Variants in GADL1 observed in about 807,000 individuals in gnomAD.
GADL1 encodes GAD like acidic amino acid decarboxylase 1.
A neutral mutation model predicts 69.5 loss-of-function variants in GADL1; 71 were observed. That is an observed-to-expected ratio of 1.02 (90% CI 0.84 to 1.25). GADL1 has a LOEUF of 1.25. GADL1 is among the 50% of genes most tolerant of loss of function. The probability of loss-of-function intolerance (pLI) is 0.00; values close to 1 mark genes in which losing one functional copy is unlikely to be tolerated. For synonymous variants in GADL1, 254 were observed against 214.4 expected, an observed-to-expected ratio of 1.18 and a Z score of -1.62; for missense variants, 737 against 631.8, an observed-to-expected ratio of 1.17 and a Z score of -1.79.
chr3:30,839,222 T>G, intron 8 of GADL1, 109 bp from the exon 9 acceptor site: 1 of 640,378 alleles, frequency 1.6e-6, no homozygotes, highest in Non-Finnish European at 2.6e-6. Flanking sequence ...TTTGGGTTTT[T>G]TGGAGGTAGT....
Position 30,744,353 on chromosome 3 carries a change from C to A in GADL1, c.1393-15938G>T, listed in dbSNP as rs141479724. 7.1e-3 allele frequency among the ~76,000 whole-genome samples: 1,076 copies of A among 152,244 alleles called. 15 individuals carry two copies. The highest frequency in any genetic ancestry group is 0.024 in the African/African-American group (1,016 of 41,548). ...CTATTATTCAAGGAGTATCTACCAT[C>A]ATAAAGGTGGTTTAGTCATATAGAT... On this transcript the variant is annotated intron_variant, in intron 14 of 14. Coordinates refer to ENST00000282538, the MANE Select transcript of GADL1 (RefSeq NM_207359.3).
intron 11 of GADL1, among the ~76,000 whole-genome samples, chr3:30,818,981 C>T (rs905108380): frequency 1.3e-5 from 2 of 152,078 alleles, no homozygotes; most frequent in East Asian, 3.9e-4. Flanking sequence ...GGATGATCCT[C>T]CATACCAGCC....
At chr3:30,791,349 A>T (rs1422426048) in intron 12 of GADL1, among the ~76,000 whole-genome samples, 1 of 152,144 alleles carries the variant, frequency 6.6e-6, no homozygotes, top group East Asian at 1.9e-4. Context: ...TTTCTCCAGA[A>T]ATCTTGGGAA....
At chr3:30,863,000 C>T (rs189159376) in intron 1 of GADL1, among the ~76,000 whole-genome samples, 5 of 151,308 alleles carry the variant, frequency 3.3e-5, no homozygotes, top group Admixed American at 2.6e-4. Flanking sequence ...ACAAAGAGAT[C>T]TTCGTAAACA....
At chr3:30,851,802 C>T (rs180751569) in intron 4 of GADL1, among the ~76,000 whole-genome samples, 1 of 152,246 alleles carries the variant, frequency 6.6e-6, no homozygotes, top group African/African-American at 2.4e-5. Flanking sequence ...TTTCTTGCAT[C>T]CTCCTCCTCC....
intron 1 of GADL1, among the ~76,000 whole-genome samples, chr3:30,877,658 C>A (rs1263208642): frequency 1.3e-5 from 2 of 151,748 alleles, no homozygotes; most frequent in Non-Finnish European, 2.9e-5. Flanking sequence ...TAAGTCAACA[C>A]AAAGTATTAA....
intron 11 of GADL1, among the ~76,000 whole-genome samples, chr3:30,829,781 G>A (rs768306235): frequency 2.6e-5 from 4 of 151,788 alleles, no homozygotes; most frequent in Non-Finnish European, 4.4e-5. Flanking sequence ...ACAACACAGT[G>A]GTGAATATAA....
chr3:30,881,089 A>G (rs1698635032), intron 1 of GADL1, among the ~76,000 whole-genome samples: 1 of 151,952 alleles, frequency 6.6e-6, no homozygotes, highest in Admixed American at 6.6e-5. Context: ...AAGCTGTAAT[A>G]TTCCTTTCAA....
intron 14 of GADL1, among the ~76,000 whole-genome samples, chr3:30,739,400 C>T (rs113025911): frequency 2.6e-5 from 4 of 152,258 alleles, no homozygotes; most frequent in Admixed American, 6.5e-5. Context: ...TGCACCCATG[C>T]ACCTGTATCT....
intron 14 of GADL1, among the ~76,000 whole-genome samples, chr3:30,754,234 C>T (rs892649230): frequency 3.9e-5 from 6 of 152,126 alleles, no homozygotes; most frequent in Non-Finnish European, 7.4e-5. Flanking sequence ...ATGTGAGGGG[C>T]AGAAAGCCTA....
intron 13 of GADL1, among the ~76,000 whole-genome samples, chr3:30,782,484 G>T (rs1696687462): frequency 6.6e-6 from 1 of 152,110 alleles, no homozygotes; most frequent in Non-Finnish European, 1.5e-5. Context: ...AAAGAAGAAA[G>T]TAGAATTTTG....
intron 6 of GADL1, among the ~76,000 whole-genome samples, chr3:30,847,510 T>C (rs550099551): frequency 1.4e-4 from 22 of 152,310 alleles, no homozygotes; most frequent in African/African-American, 5.1e-4. Flanking sequence ...AATTCTTTAA[T>C]GAAATAGATG....
intron 12 of GADL1, among the ~76,000 whole-genome samples, chr3:30,796,722 C>G (rs758490076): frequency 6.6e-6 from 1 of 152,164 alleles, no homozygotes; most frequent in Non-Finnish European, 1.5e-5. Flanking sequence ...ACTGTTGAAG[C>G]ACCTAGACCA....
At chr3:30,791,462 T>C (rs1219022523) in intron 12 of GADL1, among the ~76,000 whole-genome samples, 1 of 152,126 alleles carries the variant, frequency 6.6e-6, no homozygotes, top group East Asian at 1.9e-4. Flanking sequence ...CACGTAAAGA[T>C]GTACAAAAAA....
chr3:30,873,442 C>A (rs1698523360), intron 1 of GADL1, among the ~76,000 whole-genome samples: 1 of 151,868 alleles, frequency 6.6e-6, no homozygotes, highest in Admixed American at 6.6e-5. Context: ...AGCCAGGCAG[C>A]CTGATTCCAG....
chr3:30,861,080 C>T (rs1390128251), intron 2 of GADL1, among the ~76,000 whole-genome samples: 1 of 151,760 alleles, frequency 6.6e-6, no homozygotes, highest in African/African-American at 2.4e-5. Flanking sequence ...ATAATTGGTA[C>T]CAGAAAGGAG....
chr3:30,797,453 C>CT (rs1697060924), intron 12 of GADL1, among the ~76,000 whole-genome samples: 2 of 152,156 alleles, frequency 1.3e-5, no homozygotes, highest in African/African-American at 2.4e-5. Flanking sequence ...ACATCCCAGG[C>CT]ATTGATCTAA....
At chr3:30,835,480 AT>A (rs1446355154) in intron 9 of GADL1, among the ~76,000 whole-genome samples, 1 of 152,020 alleles carries the variant, frequency 6.6e-6, no homozygotes, top group Non-Finnish European at 1.5e-5. Context: ...ATTTGGGCCC[AT>A]TGGTAGCCAA....
At chr3:30,733,234 G>T (rs898883679) in intron 14 of GADL1, among the ~76,000 whole-genome samples, 1 of 152,134 alleles carries the variant, frequency 6.6e-6, no homozygotes, top group Non-Finnish European at 1.5e-5. Context: ...TGTTAAGGTT[G>T]CTATAAAAGT....
Sources: allele counts gnomAD v4.1 joint callset (sites outside exome capture counted in the v4.1 genomes callset), GRCh38; gene constraint gnomAD v4.1.1; transcripts MANE v1.5; gene names NCBI Gene and HGNC (gene_info 2026-07-23, HGNC 2026-07-21).